The following DNM3 variants were observed in gnomAD, a reference collection of about 807,000 sequenced individuals.
The protein encoded by DNM3 is dynamin-3.
Under a neutral mutation model 101.6 loss-of-function variants are expected in DNM3, and 47 were observed. The observed-to-expected ratio is 0.46, with a 90% CI of 0.37 to 0.59. DNM3 has a LOEUF of 0.59. DNM3 is among the 20% of genes least tolerant of loss of function. DNM3 has a pLI of 0.00. For missense variants in DNM3, 849 were observed against 1,085.7 expected (o/e 0.78, Z 3.06); for synonymous variants, 385 against 387.9 (o/e 0.99, Z 0.09).
chr1:172,116,338 T>A (rs1229133342), intron 13 of DNM3, among the ~76,000 whole-genome samples: 1 of 152,244 alleles, frequency 6.6e-6, no homozygotes, highest in Non-Finnish European at 1.5e-5. Context: ...CTCACATGCC[T>A]GCTCTTTGCT....
At chr1:172,252,741 C>T (rs1020219772) in intron 14 of DNM3, among the ~76,000 whole-genome samples, 4 of 152,086 alleles carry the variant, frequency 2.6e-5, no homozygotes, top group Non-Finnish European at 4.4e-5. Flanking sequence ...TAATATTGCC[C>T]GTGGGCCAGT....
intron 14 of DNM3, among the ~76,000 whole-genome samples, chr1:172,184,333 T>G (rs2148407947): frequency 6.6e-6 from 1 of 152,270 alleles, no homozygotes; most frequent in East Asian, 1.9e-4. Flanking sequence ...GACCACCATT[T>G]AAATTGCACA....
intron 15 of DNM3, among the ~76,000 whole-genome samples, chr1:172,294,838 A>G (rs2148826376): frequency 6.6e-6 from 1 of 151,748 alleles, no homozygotes; most frequent in Non-Finnish European, 1.5e-5. Context: ...TTTGAGCCTG[A>G]AAGGTGGAGG....
intron 1 of DNM3, 130 bp downstream of exon 1, chr1:171,841,947 T>G (rs543723320): frequency 2.8e-5 from 7 of 247,098 alleles, no homozygotes; most frequent in African/African-American, 4.6e-5. Flanking sequence ...GGGGGCAGAG[T>G]GGAATGGGGG....
rs557443207 is a variant in DNM3 at position 172,233,884 on chromosome 1, C to T, written c.1660-19689C>T. Among the ~76,000 whole-genome samples, 102 of 152,218 alleles carry T rather than the reference C, an allele frequency of 6.7e-4. 1 individual carries two copies. In the South Asian group the frequency reaches 0.02, roughly 30 times the overall value. On this transcript the variant is annotated intron_variant, in intron 14 of 20. Coordinates refer to ENST00000627582, the MANE Select transcript of DNM3 (RefSeq NM_015569.5). ...CTCAATAAATTAGGTATTGATGGGA[C>T]GTATCTCAAAATAATAAGAGCTATT...
At chr1:171,850,117 A>G (rs564043203) in intron 1 of DNM3, among the ~76,000 whole-genome samples, 1 of 152,348 alleles carries the variant, frequency 6.6e-6, no homozygotes, top group East Asian at 1.9e-4. Context: ...CTACTTAGCA[A>G]GAGTATGGTC....
chr1:172,007,221 T>C (rs1341064982), intron 4 of DNM3, among the ~76,000 whole-genome samples: 1 of 152,148 alleles, frequency 6.6e-6, no homozygotes, highest in Non-Finnish European at 1.5e-5. Context: ...ACTACTAAGC[T>C]GTTCTCCAAA....
At chr1:172,357,234 A>T (rs1573588523) in intron 17 of DNM3, among the ~76,000 whole-genome samples, 1 of 152,124 alleles carries the variant, frequency 6.6e-6, no homozygotes, top group Non-Finnish European at 1.5e-5. Context: ...TAAAAGTATG[A>T]TGAGAAACAG....
chr1:171,920,106 A>G (rs1028184723), intron 1 of DNM3, among the ~76,000 whole-genome samples: 3 of 152,218 alleles, frequency 2.0e-5, no homozygotes, highest in Non-Finnish European at 4.4e-5. Flanking sequence ...GTTCAGTACT[A>G]TTTCCTCTGT....
chr1:172,038,956 A>G (rs891391435), intron 7 of DNM3, among the ~76,000 whole-genome samples: 15 of 151,340 alleles, frequency 9.9e-5, no homozygotes, highest in African/African-American at 3.2e-4. Flanking sequence ...TTCCTTTTAC[A>G]TAATGATTTT....
intron 1 of DNM3, among the ~76,000 whole-genome samples, chr1:171,871,781 T>C (rs1483727061): frequency 1.3e-5 from 2 of 152,110 alleles, no homozygotes; most frequent in Non-Finnish European, 2.9e-5. Flanking sequence ...GTTTAAGAGG[T>C]AGTAAATTAT....
intron 14 of DNM3, among the ~76,000 whole-genome samples, chr1:172,216,004 T>TAAAAAAAAAA (rs1210412642): frequency 1.6e-5 from 2 of 127,776 alleles, no homozygotes; most frequent in African/African-American, 2.8e-5. Flanking sequence ...ATAATAAAAT[T>TAAAAAAAAAA]AAAAAAAAAA....
intron 16 of DNM3, among the ~76,000 whole-genome samples, chr1:172,317,318 A>T (rs1376908014): frequency 1.3e-5 from 2 of 151,774 alleles, no homozygotes; most frequent in African/African-American, 4.8e-5. Context: ...CTAACATCAC[A>T]ATTAAAAGAA....
rs1420923443 is a variant in DNM3 at position 172,291,720 on chromosome 1, GATAGTTGTAGTT to G, written c.1770-17004_1770-16993del. On this transcript the variant is annotated intron_variant, in intron 15 of 20. Coordinates refer to ENST00000627582, the MANE Select transcript of DNM3 (RefSeq NM_015569.5). ...GTCTGGAAAGGCTGGGTACCCATTT[GATAGTTGTAGTT>G]ATAAATCTGAAGTGAGTGCAGTCAG... 2.0e-5 allele frequency among the ~76,000 whole-genome samples: 3 copies of G among 152,314 alleles called. No individual in the cohort carries two copies. The East Asian group carries it at 5.8e-4, about 29-fold the overall frequency.
chr1:172,402,934 T>C lies in DNM3; in HGVS notation c.2523-4838T>C, dbSNP rs1221115186. 4.6e-5 allele frequency among the ~76,000 whole-genome samples: 7 copies of C among 152,334 alleles called. No individual in the cohort carries two copies. The East Asian group carries it at 1.2e-3, about 25-fold the overall frequency. ...AGCAAAGTAAAAATCTTTTTTTTAC[T>C]GAACAGTGGTTTCAAAGCATAGTCC... On this transcript the variant is annotated intron_variant, in intron 20 of 20. Coordinates refer to ENST00000627582, the MANE Select transcript of DNM3 (RefSeq NM_015569.5).
intron 2 of DNM3, among the ~76,000 whole-genome samples, chr1:171,925,514 G>C (rs1037564013): frequency 6.6e-6 from 1 of 152,050 alleles, no homozygotes; most frequent in Non-Finnish European, 1.5e-5. Context: ...ACAGGTGTGA[G>C]CCACCGTGCC....
chr1:172,215,839 G>A (rs925398661), intron 14 of DNM3, among the ~76,000 whole-genome samples: 2 of 151,652 alleles, frequency 1.3e-5, no homozygotes, highest in Non-Finnish European at 2.9e-5. Context: ...TAGGCCATGA[G>A]GCTTAATTCT....
At chr1:172,004,109 C>T (rs2046523275) in intron 4 of DNM3, among the ~76,000 whole-genome samples, 1 of 151,920 alleles carries the variant, frequency 6.6e-6, no homozygotes, top group Non-Finnish European at 1.5e-5. Flanking sequence ...ATTGGAAAGA[C>T]AGACTGTGAA....
At chr1:172,022,622 A>G (rs1457390334) in intron 4 of DNM3, among the ~76,000 whole-genome samples, 1 of 152,132 alleles carries the variant, frequency 6.6e-6, no homozygotes, top group South Asian at 2.1e-4. Context: ...AATAGAAACA[A>G]TCAGTCCCTT....
Sources: gnomAD v4.1 joint callset for allele counts (sites outside exome capture counted in the v4.1 genomes callset) on GRCh38, gnomAD v4.1.1 for gene constraint, MANE v1.5 for transcripts, NCBI Gene and HGNC (gene_info 2026-07-23, HGNC 2026-07-21) for gene names.